ABCA10: variants seen among roughly 807,000 people sequenced by gnomAD.
ABCA10 encodes the protein ATP-binding cassette sub-family A member 10.
In ABCA10, 169 loss-of-function variants were observed where a neutral mutation model predicts 187.5. That is an observed-to-expected ratio of 0.90 (90% CI 0.80 to 1.02). The LOEUF is 1.02. Ranked by LOEUF, ABCA10 falls within the 50% of genes least tolerant of loss-of-function variation. ABCA10 has a pLI of 0.00. For missense variants in ABCA10, 1,727 were observed against 1,812.4 expected, an observed-to-expected ratio of 0.95 and a Z score of 0.86; for synonymous variants, 574 against 601.8, an observed-to-expected ratio of 0.95 and a Z score of 0.68.
intron 9 of ABCA10, among the ~76,000 whole-genome samples, chr17:69,204,903 T>C (rs1019189307): frequency 6.6e-6 from 1 of 152,208 alleles, no homozygotes; most frequent in African/African-American, 2.4e-5. Context: ...CCAAGACAGC[T>C]AAATGGCTTG....
At chr17:69,153,125 AT>A (rs2074143075) in intron 34 of ABCA10, among the ~76,000 whole-genome samples, 179 bp downstream of exon 34, 1 of 152,124 alleles carries the variant, frequency 6.6e-6, no homozygotes, top group Admixed American at 6.5e-5. Context: ...TAAAATATCT[AT>A]TTTTTCCCTC....
At chr17:69,209,872 C>G (rs1056706249) in intron 9 of ABCA10, among the ~76,000 whole-genome samples, 2 of 152,146 alleles carry the variant, frequency 1.3e-5, no homozygotes, top group Admixed American at 1.3e-4. Context: ...AATGGTATCT[C>G]TATCTTATCA....
intron 14 of ABCA10, 42 bp downstream of exon 14, chr17:69,193,451 C>CT (rs2074476276): frequency 6.3e-7 from 1 of 1,583,326 alleles, no homozygotes; most frequent in Admixed American, 1.8e-5. Flanking sequence ...GTTGTATATC[C>CT]TTCAATCTAA....
intron 25 of ABCA10, among the ~76,000 whole-genome samples, chr17:69,172,523 C>T (rs2074305633): frequency 6.6e-6 from 1 of 152,064 alleles, no homozygotes; most frequent in South Asian, 2.1e-4. Flanking sequence ...AATAGCTTGA[C>T]CGTGGACTTC....
intron 2 of ABCA10, among the ~76,000 whole-genome samples, chr17:69,226,666 T>C (rs916243006): frequency 1.8e-4 from 28 of 152,130 alleles, no homozygotes; most frequent in African/African-American, 6.7e-4. Flanking sequence ...CAAAAAAGTT[T>C]GCAGATTTTT....
chr17:69,172,151 A>G (rs573273195), intron 25 of ABCA10, among the ~76,000 whole-genome samples: 5 of 152,258 alleles, frequency 3.3e-5, no homozygotes, highest in East Asian at 1.9e-4. Flanking sequence ...TAATAATAAA[A>G]TCCTCAAAAT....
rs762997175 is a variant in ABCA10, at chr17:69,219,622, T to C, written c.453A>G (p.Ala151=). Residue 151 remains alanine (A), a synonymous_variant, in exon 6 of 39, where the codon GCA becomes GCG. Transcript: ENST00000690296. Reference sequence around the variant, plus strand: ...CTCTTTCCCTTGCAACATTTAATGATGCAAAGTATATAAAAGAAGAGAAAG... The same window carrying C: ...CTCTTTCCCTTGCAACATTTAATGACGCAAAGTATATAAAAGAAGAGAAAG... ...LVSFSSFIYF[A]SLNVARERGK... The C allele has an allele frequency of 6.8e-6, 11 of 1,611,882 alleles. No individual in the cohort carries two copies. In the South Asian group the frequency reaches 1.2e-4, roughly 18 times the overall value.
chr17:69,156,108 C>CT (rs1162717610), intron 28 of ABCA10, among the ~76,000 whole-genome samples, 183 bp from the exon 29 acceptor site: 2 of 152,282 alleles, frequency 1.3e-5, no homozygotes, highest in African/African-American at 4.8e-5. Flanking sequence ...TTGAAATATT[C>CT]TTTGACTATT....
intron 9 of ABCA10, among the ~76,000 whole-genome samples, chr17:69,210,863 T>TATATATATATATGC (rs1568069925): frequency 2.7e-5 from 4 of 146,484 alleles, no homozygotes; most frequent in African/African-American, 1.1e-4. Flanking sequence ...TATATATATA[T>TATATATATATATGC]ATGCCATATT....
At chr17:69,224,511 G>A (rs1414654059) in intron 3 of ABCA10, among the ~76,000 whole-genome samples, 1 of 152,044 alleles carries the variant, frequency 6.6e-6, no homozygotes, top group Non-Finnish European at 1.5e-5. Flanking sequence ...ACCACCAATA[G>A]TTACTCCTAA....
chr17:69,240,293 G>T (rs1354357964), intron 1 of ABCA10, among the ~76,000 whole-genome samples: 1 of 152,158 alleles, frequency 6.6e-6, no homozygotes, highest in Non-Finnish European at 1.5e-5. Context: ...CTTGTTATTG[G>T]CCATTAGGAA....
intron 9 of ABCA10, among the ~76,000 whole-genome samples, chr17:69,212,571 A>T (rs2074669024): frequency 6.6e-6 from 1 of 152,086 alleles, no homozygotes; most frequent in Non-Finnish European, 1.5e-5. Flanking sequence ...GAAGTCCCCC[A>T]CTATTATCGT....
At chr17:69,149,928 C>T in intron 37 of ABCA10, 56 bp downstream of exon 37, 1 of 1,330,454 alleles carries the variant, frequency 7.5e-7, no homozygotes, top group Non-Finnish European at 1.1e-6. Flanking sequence ...GTCTATATTC[C>T]ACATGAAAAT....
chr17:69,222,138 T>C (rs1231896844), intron 4 of ABCA10, among the ~76,000 whole-genome samples: 1 of 152,036 alleles, frequency 6.6e-6, no homozygotes. Flanking sequence ...GTGGATCATT[T>C]GAGGTCAGGA....
At chr17:69,167,468 C>T (rs1456787629) in intron 25 of ABCA10, among the ~76,000 whole-genome samples, 2 of 152,108 alleles carry the variant, frequency 1.3e-5, no homozygotes, top group Non-Finnish European at 2.9e-5. Context: ...AGATGTTGTG[C>T]ATGACTTCAC....
chr17:69,170,048 G>A (rs1450805815), intron 25 of ABCA10, among the ~76,000 whole-genome samples: 1 of 152,066 alleles, frequency 6.6e-6, no homozygotes, highest in Non-Finnish European at 1.5e-5. Context: ...AACACTTTGG[G>A]AGGCCAAGGT....
intron 9 of ABCA10, among the ~76,000 whole-genome samples, chr17:69,211,336 TATATATATA>T (rs1233362019): frequency 0.011 from 1,328 of 117,486 alleles, 29 homozygotes; most frequent in African/African-American, 0.016. Context: ...TATATATATA[TATATATATA>T]TATATATATA....
chr17:69,235,266 C>T (rs1201460905), intron 1 of ABCA10, among the ~76,000 whole-genome samples: 1 of 152,126 alleles, frequency 6.6e-6, no homozygotes, highest in Non-Finnish European at 1.5e-5. Context: ...TTTTGTGGCT[C>T]CTCAAAGAGA....
chr17:69,239,786 C>T (rs1324188079), intron 1 of ABCA10, among the ~76,000 whole-genome samples: 1 of 152,184 alleles, frequency 6.6e-6, no homozygotes, highest in Non-Finnish European at 1.5e-5. Flanking sequence ...GCTCACAGGA[C>T]AGCCACCTCT....
Sources: gnomAD v4.1 joint callset for allele counts (sites outside exome capture counted in the v4.1 genomes callset) on GRCh38, gnomAD v4.1.1 for gene constraint, MANE v1.5 for transcripts, NCBI Gene and HGNC (gene_info 2026-07-23, HGNC 2026-07-21) for gene names.